TCF7L2: variants seen among roughly 807,000 people sequenced by gnomAD.
The protein encoded by TCF7L2 is transcription factor 7-like 2.
Under a neutral mutation model 77.9 loss-of-function variants are expected in TCF7L2, and 23 were observed. The ratio of observed to expected loss-of-function variants is 0.30; its 90% CI spans 0.21 to 0.42. The LOEUF (loss-of-function observed/expected upper bound fraction) is 0.42, where lower values mean the gene tolerates loss of function less well. Ranked by LOEUF, TCF7L2 falls within the 10% of genes least tolerant of loss-of-function variation. The probability of loss-of-function intolerance (pLI) is 1.00; values close to 1 mark genes in which losing one functional copy is unlikely to be tolerated. For missense variants in TCF7L2, 654 were observed against 793.1 expected, an observed-to-expected ratio of 0.82 and a Z score of 2.11; for synonymous variants, 413 against 340.2, an observed-to-expected ratio of 1.21 and a Z score of -2.36.
rs193122621 is a variant in TCF7L2, at chr10:113,006,872, G to A, written c.451-33153G>A. On this transcript the variant is annotated intron_variant, in intron 4 of 13. Transcript: ENST00000627217. ...AGCCTCTGCTCACCCCTCCGGCCACGCTGGCACTTTCAGCTTCTCCAGCCT... is the reference window on the plus strand; with the variant it reads ...AGCCTCTGCTCACCCCTCCGGCCACACTGGCACTTTCAGCTTCTCCAGCCT... Among the ~76,000 whole-genome samples, 8 of 152,318 alleles carry A rather than the reference G, an allele frequency of 5.3e-5. No homozygotes were observed. The East Asian group carries it at 7.7e-4, about 15-fold the overall frequency.
chr10:113,078,289 C>T (rs2058944719), intron 5 of TCF7L2, among the ~76,000 whole-genome samples: 1 of 152,164 alleles, frequency 6.6e-6, no homozygotes, highest in Admixed American at 6.5e-5. Flanking sequence ...TGTACCTCAG[C>T]ACACTACCTG....
chr10:113,017,155 C>A (rs1431862250), intron 4 of TCF7L2, among the ~76,000 whole-genome samples: 1 of 152,212 alleles, frequency 6.6e-6, no homozygotes, highest in East Asian at 1.9e-4. Context: ...TGATAGAGAT[C>A]TACTGTCCAG....
chr10:113,001,886 C>T (rs2044552198), intron 4 of TCF7L2, among the ~76,000 whole-genome samples: 1 of 152,208 alleles, frequency 6.6e-6, no homozygotes, highest in Non-Finnish European at 1.5e-5. Context: ...TGAAACCCAG[C>T]ACTACCTTGT....
chr10:113,149,170 C>T (rs950260495), intron 8 of TCF7L2, among the ~76,000 whole-genome samples: 8 of 152,184 alleles, frequency 5.3e-5, no homozygotes, highest in Admixed American at 6.5e-5. Context: ...CTGAGGCCTT[C>T]GAGCAGTGGG....
intron 5 of TCF7L2, among the ~76,000 whole-genome samples, chr10:113,060,789 G>T (rs769505867): frequency 6.6e-6 from 1 of 151,984 alleles, no homozygotes; most frequent in African/African-American, 2.4e-5. Context: ...GGAAAGAGGC[G>T]CTGTGTCCCC....
intron 5 of TCF7L2, among the ~76,000 whole-genome samples, chr10:113,078,080 A>G (rs943402253): frequency 1.3e-5 from 2 of 151,570 alleles, no homozygotes; most frequent in African/African-American, 4.9e-5. Context: ...CATTATATGG[A>G]TATCCCATAT....
intron 4 of TCF7L2, among the ~76,000 whole-genome samples, chr10:112,966,184 T>TATATA (rs2036754580): frequency 2.6e-5 from 3 of 114,230 alleles, no homozygotes; most frequent in African/African-American, 9.5e-5. Context: ...TAAAATATAT[T>TATATA]TATATATATA....
At chr10:113,071,675 A>T (rs3829909) in intron 5 of TCF7L2, among the ~76,000 whole-genome samples, 33,635 of 152,190 alleles carry the variant, frequency 0.22, 4,217 homozygotes, top group South Asian at 0.31. Context: ...GACTGCAACC[A>T]AGCTGAGAGC....
chr10:113,073,785 G>A (rs977817061), intron 5 of TCF7L2, among the ~76,000 whole-genome samples: 2 of 152,014 alleles, frequency 1.3e-5, no homozygotes, highest in East Asian at 1.9e-4. Flanking sequence ...CCCAACCTGC[G>A]GGCCTCAGTG....
At chr10:113,049,874 A>G (rs1315165977) in intron 5 of TCF7L2, among the ~76,000 whole-genome samples, 1 of 152,112 alleles carries the variant, frequency 6.6e-6, no homozygotes, top group Non-Finnish European at 1.5e-5. Flanking sequence ...GTGCTGGTGG[A>G]GGAGAGATGG....
intron 12 of TCF7L2, among the ~76,000 whole-genome samples, chr10:113,159,393 A>C (rs1001254959): frequency 8.6e-5 from 13 of 151,838 alleles, no homozygotes; most frequent in African/African-American, 1.4e-4. Flanking sequence ...TTCTTTCTTT[A>C]TTTCTTTCTA....
chr10:112,983,464 G>C (rs1211192083), intron 4 of TCF7L2, among the ~76,000 whole-genome samples: 4 of 152,098 alleles, frequency 2.6e-5, no homozygotes, highest in African/African-American at 9.7e-5. Context: ...GACAGAGCGA[G>C]ACTCTGTCTC....
chr10:113,064,533 A>G (rs1378792236), intron 5 of TCF7L2, among the ~76,000 whole-genome samples: 3 of 152,248 alleles, frequency 2.0e-5, no homozygotes, highest in Admixed American at 1.3e-4. Flanking sequence ...GTGCACATGG[A>G]CCAAGATTTA....
intron 5 of TCF7L2, among the ~76,000 whole-genome samples, chr10:113,077,907 T>G (rs1023232640): frequency 2.1e-5 from 3 of 145,938 alleles, no homozygotes; most frequent in African/African-American, 7.7e-5. Context: ...ATTTATTTAT[T>G]GTATTTTTAG....
chr10:113,099,867 G>A (rs532113717), intron 5 of TCF7L2, among the ~76,000 whole-genome samples: 18 of 152,254 alleles, frequency 1.2e-4, no homozygotes, highest in South Asian at 4.2e-4. Context: ...GGGGAGGGGC[G>A]GGGAGGTGGC....
chr10:113,085,037 C>T (rs2059693637), intron 5 of TCF7L2, among the ~76,000 whole-genome samples: 1 of 151,994 alleles, frequency 6.6e-6, no homozygotes, highest in Non-Finnish European at 1.5e-5. Context: ...CTTCTAACAG[C>T]CAACAGGTGT....
chr10:113,113,041 A>C (rs1431912720), intron 5 of TCF7L2, among the ~76,000 whole-genome samples: 1 of 152,202 alleles, frequency 6.6e-6, no homozygotes, highest in Non-Finnish European at 1.5e-5. Context: ...CCGTTATCTG[A>C]AAAGCAAATT....
At chr10:113,137,390 C>T (rs746786972) in intron 5 of TCF7L2, among the ~76,000 whole-genome samples, 3 of 152,220 alleles carry the variant, frequency 2.0e-5, no homozygotes, top group Non-Finnish European at 4.4e-5. Flanking sequence ...AAATACTTTA[C>T]GTGCAAGTTC....
chr10:112,956,088 A>G (rs1046709429), intron 3 of TCF7L2, among the ~76,000 whole-genome samples: 1 of 152,100 alleles, frequency 6.6e-6, no homozygotes, highest in Non-Finnish European at 1.5e-5. Context: ...ATGTTTCACA[A>G]CAGGCCCCCC....
Sources: gnomAD v4.1 joint callset for allele counts (sites outside exome capture counted in the v4.1 genomes callset) on GRCh38, gnomAD v4.1.1 for gene constraint, MANE v1.5 for transcripts, NCBI Gene and HGNC (gene_info 2026-07-23, HGNC 2026-07-21) for gene names.